The following ARPP19 variants were observed in gnomAD, a reference collection of about 807,000 sequenced individuals.
ARPP19 encodes the protein cAMP-regulated phosphoprotein 19.
Under a neutral mutation model 12.0 loss-of-function variants are expected in ARPP19, and 8 were observed. The observed-to-expected ratio is 0.67, with a 90% CI of 0.39 to 1.21. The LOEUF is 1.21. ARPP19 is among the 50% of genes most tolerant of loss of function. ARPP19 has a pLI of 0.01. For missense variants in ARPP19, 102 were observed against 136.3 expected, an observed-to-expected ratio of 0.75 and a Z score of 1.25; for synonymous variants, 47 against 50.4, an observed-to-expected ratio of 0.93 and a Z score of 0.29.
rs1724575 is a variant in ARPP19 at position 52,548,221 on chromosome 15, A to G, written c.*3713T>C. ...TCATAAGCCGGCCGGGCATGGTGGC[A>G]CATGCCTATAATCCCAGCACTTTGG... On this transcript the variant is annotated 3_prime_UTR_variant, in exon 3 of 3. Transcript: ENST00000249822. 0.96 allele frequency: 146,823 copies of G among 152,306 alleles called. 70,993 individuals carry two copies. Among genetic ancestry groups the G allele is most frequent in the South Asian group, 1 (4,826 of 4,826 alleles). 9.4% of individuals were successfully genotyped at this position (152,306 alleles called of 1,614,324 possible). A position where few individuals can be genotyped will look rare whatever the true frequency, so the allele number is the denominator to read the frequency against.
intron 2 of ARPP19, 126 bp from the exon 3 acceptor site, chr15:52,552,230 T>C (rs1277665776): frequency 6.4e-6 from 4 of 629,088 alleles, no homozygotes; most frequent in Non-Finnish European, 8.5e-6. Context: ...ATTAATTAGA[T>C]GAAATAGTCT....
intron 1 of ARPP19, among the ~76,000 whole-genome samples, chr15:52,559,238 A>C (rs1462851709): frequency 6.6e-6 from 1 of 152,214 alleles, no homozygotes; most frequent in African/African-American, 2.4e-5. Context: ...GAGAATTTAA[A>C]TAGTGGTGAG....
At chr15:52,567,645 T>C (rs2078096594) in intron 1 of ARPP19, among the ~76,000 whole-genome samples, 1 of 152,184 alleles carries the variant, frequency 6.6e-6, no homozygotes, top group Non-Finnish European at 1.5e-5. Flanking sequence ...CGTAAATATA[T>C]CTATTTTCAC....
At chr15:52,557,011 T>C in intron 2 of ARPP19, 89 bp downstream of exon 2, 2 of 1,392,206 alleles carry the variant, frequency 1.4e-6, no homozygotes, top group South Asian at 1.2e-5. Flanking sequence ...TAAAGTACAA[T>C]GCTATACGCA....
rs138186169 is a variant in ARPP19 at position 52,562,846 on chromosome 15, G to A, written c.46-5624C>T. On this transcript the variant is annotated intron_variant, in intron 1 of 2. Transcript: ENST00000249822. ...ATAGAAAGGGCCAACAAAGGGGGTG[G>A]ATATGGCAAGCTTAAGAAGTTTTTT... is the stretch of plus-strand genomic sequence containing the variant. Among the ~76,000 whole-genome samples the A allele has an allele frequency of 5.7e-4, 85 of 149,718 alleles. No homozygotes were observed. In the East Asian group the frequency reaches 5.9e-3, roughly 10 times the overall value.
chr15:52,563,781 C>T (rs1255373223), intron 1 of ARPP19, among the ~76,000 whole-genome samples: 1 of 152,124 alleles, frequency 6.6e-6, no homozygotes, highest in Admixed American at 6.5e-5. Context: ...CACTGATTGA[C>T]GAATAACTAG....
intron 1 of ARPP19, among the ~76,000 whole-genome samples, chr15:52,561,259 T>C (rs2078029935): frequency 6.6e-6 from 1 of 152,230 alleles, no homozygotes; most frequent in African/African-American, 2.4e-5. Flanking sequence ...AAGCCAATAG[T>C]TATTTATTTG....
intron 1 of ARPP19, 50 bp downstream of exon 1, chr15:52,568,798 G>A (rs756383037): frequency 6.2e-6 from 9 of 1,441,170 alleles, no homozygotes; most frequent in East Asian, 2.8e-5. Flanking sequence ...CAGGCCGCCC[G>A]CCAGACCCGG....
rs1443393450 is a variant in ARPP19, at chr15:52,569,030, C to T, written c.-138G>A. 7.8e-6 allele frequency: 5 copies of T among 637,226 alleles called. No homozygotes were observed. The highest frequency in any genetic ancestry group is 1.8e-5 in the South Asian group (1 of 55,330). The allele number at this position is 637,226 out of a possible 1,614,324, so 39.5% of individuals were successfully genotyped here. A position where few individuals can be genotyped will look rare whatever the true frequency, so the allele number is the denominator to read the frequency against. ...CGCGAAAATGGCCGCCGCCTTATGA[C>T]GACACGGAGCCGCGAAACGCTCCGC... On this transcript the variant is annotated 5_prime_UTR_variant, in exon 1 of 3. Transcript: ENST00000249822.
At chr15:52,552,457 GC>G (rs566361027) in intron 2 of ARPP19, among the ~76,000 whole-genome samples, 170 of 151,916 alleles carry the variant, frequency 1.1e-3, no homozygotes, top group African/African-American at 4.0e-3. Context: ...GTGTGGTGGT[GC>G]ACATCTGTAA....
intron 1 of ARPP19, among the ~76,000 whole-genome samples, chr15:52,562,703 A>AT: frequency 6.6e-6 from 1 of 152,240 alleles, no homozygotes; most frequent in Non-Finnish European, 1.5e-5. Context: ...TCAAGGGCTT[A>AT]TATCAGAGAA....
rs1197870640 is a variant in ARPP19 at position 52,551,180 on chromosome 15, C to T, written c.*754G>A. The T allele has an allele frequency of 6.5e-6, 1 of 152,748 alleles. No homozygotes were observed. Among genetic ancestry groups the T allele is most frequent in the Non-Finnish European group, 1.5e-5 (1 of 68,046 alleles). The allele number at this position is 152,748 out of a possible 1,614,324, so 9.5% of individuals were successfully genotyped here. A position where few individuals can be genotyped will look rare whatever the true frequency, so the allele number is the denominator to read the frequency against. On this transcript the variant is annotated 3_prime_UTR_variant, in exon 3 of 3. Coordinates refer to ENST00000249822, the MANE Select transcript of ARPP19 (RefSeq NM_006628.6). Reference sequence around the variant, plus strand: ...TTTAAGTATGTGAAATTAATACAGACATTTGTGAGAGGTTGTGCAAAACTA... The same window carrying T: ...TTTAAGTATGTGAAATTAATACAGATATTTGTGAGAGGTTGTGCAAAACTA...
intron 1 of ARPP19, among the ~76,000 whole-genome samples, chr15:52,567,843 T>C (rs1595869992): frequency 6.6e-6 from 1 of 152,140 alleles, no homozygotes. Context: ...AAGTGCAACA[T>C]TAAGCAGAAA....
At chr15:52,557,001 T>TA in intron 2 of ARPP19, 99 bp downstream of exon 2, 3 of 1,311,392 alleles carry the variant, frequency 2.3e-6, no homozygotes, top group East Asian at 2.3e-5. Flanking sequence ...ACATACCTGA[T>TA]AAAGTACAAT....
rs770569904 is a variant in ARPP19 at position 52,568,939 on chromosome 15, G to A, written c.-47C>T. On this transcript the variant is annotated 5_prime_UTR_variant, in exon 1 of 3. Coordinates refer to ENST00000249822, the MANE Select transcript of ARPP19 (RefSeq NM_006628.6). Reference sequence around the variant, plus strand: ...ACGCCGGGAAAAGATGCAATTAGCGGGTGGCCGAGGCCACCCGGCCGCCGC... The same window carrying A: ...ACGCCGGGAAAAGATGCAATTAGCGAGTGGCCGAGGCCACCCGGCCGCCGC... 4.8e-6 allele frequency: 7 copies of A among 1,466,500 alleles called. No individual in the cohort carries two copies. Among genetic ancestry groups the A allele is most frequent in the Admixed American group, 4.0e-5 (2 of 49,572 alleles). 90.8% of individuals were successfully genotyped at this position (1,466,500 alleles called of 1,614,324 possible). A position where few individuals can be genotyped will look rare whatever the true frequency, so the allele number is the denominator to read the frequency against.
Position 52,565,038 on chromosome 15 carries a change from C to CT in ARPP19, c.45+3809dup, listed in dbSNP as rs543075410. On this transcript the variant is annotated intron_variant, in intron 1 of 2. Coordinates refer to ENST00000249822, the MANE Select transcript of ARPP19 (RefSeq NM_006628.6). ...CTCACAGTGCAATTAAAATTACCAT[C>CT]TTTTTTTTTTTTTTTTTTGAGACAG... Among the ~76,000 whole-genome samples the CT allele has an allele frequency of 6.6e-3, 907 of 137,176 alleles. 11 individuals are homozygous for CT. Among genetic ancestry groups the CT allele is most frequent in the East Asian group, 0.035 (164 of 4,744 alleles). The allele number at this position is 137,176 out of a possible 152,430, so 90.0% of individuals were successfully genotyped here.
At chr15:52,554,171 AT>A in intron 2 of ARPP19, among the ~76,000 whole-genome samples, 1 of 152,162 alleles carries the variant, frequency 6.6e-6, no homozygotes, top group Non-Finnish European at 1.5e-5. Context: ...TTTTAGGCAG[AT>A]TTTCCCCCTA....
chr15:52,568,719 G>C, intron 1 of ARPP19, 129 bp downstream of exon 1: 1 of 561,482 alleles, frequency 1.8e-6, no homozygotes, highest in Non-Finnish European at 3.0e-6. Context: ...GCCAAAGGTG[G>C]GGCGCAGGAG....
At chr15:52,569,274 A>C, upstream of ARPP19, 2 of 274,326 alleles carry the variant, frequency 7.3e-6, no homozygotes, top group Non-Finnish European at 1.4e-5. Flanking sequence ...TTTCCTGTCC[A>C]CTCTGGTCCC....
Sources: allele counts gnomAD v4.1 joint callset (sites outside exome capture counted in the v4.1 genomes callset), GRCh38; gene constraint gnomAD v4.1.1; transcripts MANE v1.5; gene names NCBI Gene and HGNC (gene_info 2026-07-23, HGNC 2026-07-21).